ZNF407: variants seen among roughly 807,000 people sequenced by gnomAD.
ZNF407 encodes the protein zinc finger protein 407.
In ZNF407, 17 loss-of-function variants were observed where a neutral mutation model predicts 131.2. That is an observed-to-expected ratio of 0.13 (90% CI 0.09 to 0.19). The LOEUF is 0.19. ZNF407 is among the 10% of genes least tolerant of loss of function. The pLI, the probability that ZNF407 is intolerant of heterozygous loss-of-function variation, is 1.00. For synonymous variants in ZNF407, 1,156 were observed against 1,062.0 expected, an observed-to-expected ratio of 1.09 and a Z score of -1.72; for missense variants, 2,681 against 2,830.6, an observed-to-expected ratio of 0.95 and a Z score of 1.20.
Position 74,920,613 on chromosome 18 carries a change from C to T in ZNF407, c.5349C>T (p.Asn1783=), listed in dbSNP as rs753707801. 1.4e-5 allele frequency: 23 copies of T among 1,611,358 alleles called. No homozygotes were observed. The highest frequency in any genetic ancestry group is 8.9e-5 in the East Asian group (4 of 44,856). Residue 1783 remains asparagine, a synonymous_variant, in exon 8 of 9, where the codon AAC becomes AAT. Transcript: ENST00000299687. ...GTCCCAAGTGTGACTACGGGACCAA[C>T]GTCCCGGTGGAGTTCCGGAACCATT... The part of the protein sequence containing the change: ...YNCPKCDYGT[N]VPVEFRNHLK...
At chr18:74,636,345 A>AT (rs971834547) in intron 2 of ZNF407, among the ~76,000 whole-genome samples, 15 of 150,638 alleles carry the variant, frequency 1.0e-4, no homozygotes, top group Non-Finnish European at 1.3e-4. Flanking sequence ...TTAAAAAAAC[A>AT]TTTTTTTTTG....
At chr18:74,667,974 G>C (rs1985996799) in intron 3 of ZNF407, among the ~76,000 whole-genome samples, 1 of 152,112 alleles carries the variant, frequency 6.6e-6, no homozygotes, top group African/African-American at 2.4e-5. Context: ...CTGAAGCAGA[G>C]TTTAGGAGAG....
chr18:74,740,141 C>A (rs1968514884), intron 3 of ZNF407, among the ~76,000 whole-genome samples: 1 of 152,140 alleles, frequency 6.6e-6, no homozygotes, highest in Non-Finnish European at 1.5e-5. Context: ...GGTCCACACT[C>A]CCTCTGGAGG....
chr18:74,908,978 C>T (rs549648105), intron 7 of ZNF407, among the ~76,000 whole-genome samples: 6 of 151,750 alleles, frequency 4.0e-5, no homozygotes, highest in Non-Finnish European at 7.4e-5. Context: ...AGATTTTCTT[C>T]GGATTATTCT....
chr18:74,964,074 C>T (rs1972380432), intron 8 of ZNF407, among the ~76,000 whole-genome samples: 1 of 152,210 alleles, frequency 6.6e-6, no homozygotes, highest in South Asian at 2.1e-4. Context: ...CCTCTATTGA[C>T]CGCGCCTATC....
chr18:74,995,730 G>GT (rs1972773196), intron 8 of ZNF407, among the ~76,000 whole-genome samples: 1 of 152,168 alleles, frequency 6.6e-6, no homozygotes, highest in Admixed American at 6.5e-5. Context: ...TTTCTGGGCA[G>GT]TTCATTCGGC....
At chr18:74,841,956 A>G (rs1047224666) in intron 4 of ZNF407, among the ~76,000 whole-genome samples, 2 of 152,266 alleles carry the variant, frequency 1.3e-5, no homozygotes, top group East Asian at 1.9e-4. Flanking sequence ...TTTCGTGAAA[A>G]TTTACATTTT....
At chr18:75,044,893 G>A (rs770203172) in intron 8 of ZNF407, among the ~76,000 whole-genome samples, 21 of 152,064 alleles carry the variant, frequency 1.4e-4, no homozygotes, top group Non-Finnish European at 2.1e-4. Flanking sequence ...AGTTCTTCCA[G>A]GTACTTCACC....
chr18:74,967,099 A>G (rs1972417988), intron 8 of ZNF407, among the ~76,000 whole-genome samples: 1 of 152,126 alleles, frequency 6.6e-6, no homozygotes, highest in Non-Finnish European at 1.5e-5. Context: ...CGTCTCTACA[A>G]AATATTTAAA....
intron 4 of ZNF407, among the ~76,000 whole-genome samples, chr18:74,853,936 C>T (rs914718559): frequency 3.9e-5 from 6 of 152,256 alleles, no homozygotes; most frequent in South Asian, 2.1e-4. Flanking sequence ...ATTTTGTTTT[C>T]GGATCAGTGG....
At chr18:74,601,492 G>T (rs1006826665) in intron 1 of ZNF407, among the ~76,000 whole-genome samples, 1 of 152,100 alleles carries the variant, frequency 6.6e-6, no homozygotes, top group African/African-American at 2.4e-5. Flanking sequence ...GATAGCCAAG[G>T]CTGGGTAATA....
intron 8 of ZNF407, among the ~76,000 whole-genome samples, chr18:74,937,344 T>C (rs541151631): frequency 1.7e-3 from 261 of 152,350 alleles, no homozygotes; most frequent in African/African-American, 6.1e-3. Flanking sequence ...CTCATGCTAC[T>C]ATTAGTTTTA....
At chr18:74,894,654 G>T (rs1226890398) in intron 7 of ZNF407, among the ~76,000 whole-genome samples, 1 of 152,032 alleles carries the variant, frequency 6.6e-6, no homozygotes, top group Non-Finnish European at 1.5e-5. Context: ...ATTTATAGGG[G>T]ATATATAATA....
intron 8 of ZNF407, among the ~76,000 whole-genome samples, chr18:75,054,318 G>T (rs1433960505): frequency 6.6e-6 from 1 of 152,226 alleles, no homozygotes; most frequent in African/African-American, 2.4e-5. Flanking sequence ...CCTCTGTGCG[G>T]TTACTGAGAA....
intron 1 of ZNF407, among the ~76,000 whole-genome samples, chr18:74,609,974 A>T (rs1982982818): frequency 6.6e-6 from 1 of 152,192 alleles, no homozygotes; most frequent in Non-Finnish European, 1.5e-5. Context: ...GCTTTATATA[A>T]TATAAATTGT....
In ZNF407 at chr18:74,631,165, G is replaced by A; in HGVS notation, c.146G>A (p.Gly49Asp). The change falls in exon 2 of 9, where the codon GGC becomes GAC. Residue 49 changes from glycine to aspartate, a missense_variant. Gly to Asp is a moderately conservative substitution (Grantham distance 94). Transcript: ENST00000299687. Reference sequence around the variant, plus strand: ...GCAAGTTTCCCTGAGAATTCTATGGGCAAAAGAGGTTTTTCAGAATCATCG... The same window carrying A: ...GCAAGTTTCCCTGAGAATTCTATGGACAAAAGAGGTTTTTCAGAATCATCG... Reference protein sequence around the residue: ...VIASFPENSMGKRGFSESSNS... With the variant: ...VIASFPENSMDKRGFSESSNS... 6.2e-7 allele frequency: 1 copy of A among 1,613,952 alleles called. No individual in the cohort carries two copies. The highest frequency in any genetic ancestry group is 8.5e-7 in the Non-Finnish European group (1 of 1,179,880).
At chr18:75,024,031 G>T (rs1973142683) in intron 8 of ZNF407, among the ~76,000 whole-genome samples, 1 of 152,198 alleles carries the variant, frequency 6.6e-6, no homozygotes. Flanking sequence ...AAGGAAAAAG[G>T]AGAGCATGTG....
At chr18:74,924,082 C>T (rs936071108) in intron 8 of ZNF407, among the ~76,000 whole-genome samples, 21 of 152,110 alleles carry the variant, frequency 1.4e-4, no homozygotes, top group Non-Finnish European at 4.4e-5. Flanking sequence ...ACTGGATGAA[C>T]CAAGCCAGTC....
At chr18:74,755,248 G>A (rs1446809367) in intron 3 of ZNF407, among the ~76,000 whole-genome samples, 1 of 151,860 alleles carries the variant, frequency 6.6e-6, no homozygotes, top group Non-Finnish European at 1.5e-5. Context: ...TTGTGTCTCT[G>A]CACATGAGAT....
Sources: allele counts gnomAD v4.1 joint callset (sites outside exome capture counted in the v4.1 genomes callset), GRCh38; gene constraint gnomAD v4.1.1; transcripts MANE v1.5; gene names NCBI Gene and HGNC (gene_info 2026-07-23, HGNC 2026-07-21).